The following CSRNP3 variants were observed in gnomAD, a reference collection of about 807,000 sequenced individuals.
CSRNP3 encodes cysteine and serine rich nuclear protein 3, also known as cysteine/serine-rich nuclear protein 3.
A neutral mutation model predicts 48.0 loss-of-function variants in CSRNP3; 12 were observed. The observed-to-expected ratio is 0.25, with a 90% confidence interval of 0.16 to 0.41. The LOEUF is 0.41. CSRNP3 is among the 10% of genes least tolerant of loss of function. The probability of loss-of-function intolerance (pLI) is 1.00; values close to 1 mark genes in which losing one functional copy is unlikely to be tolerated. For missense variants in CSRNP3, 580 were observed against 724.4 expected, an observed-to-expected ratio of 0.80 and a Z score of 2.29; for synonymous variants, 263 against 269.7, an observed-to-expected ratio of 0.98 and a Z score of 0.24.
In CSRNP3 at chr2:165,687,075, T is replaced by C. The variant is rs1475973446; in HGVS notation, c.*7322T>C. 1.3e-5 allele frequency: 2 copies of C among 152,088 alleles called. No homozygotes were observed. The highest frequency in any genetic ancestry group is 6.6e-5 in the Admixed American group (1 of 15,244). The allele number at this position is 152,088 out of a possible 1,614,324, so 9.4% of individuals were successfully genotyped here. On this transcript the variant is annotated 3_prime_UTR_variant, in exon 7 of 7. Transcript: ENST00000651982. ...TAGGTTTTCTCACAATAAGAAAATATCTTGGCCAGTCTTTGAGGGTTAGGC... is the reference window on the plus strand; with the variant it reads ...TAGGTTTTCTCACAATAAGAAAATACCTTGGCCAGTCTTTGAGGGTTAGGC...
In CSRNP3 at chr2:165,657,927, T is replaced by C. The variant is rs764142469; in HGVS notation, c.315T>C (p.Thr105=). 1 of 1,614,078 alleles carries C rather than the reference T, an allele frequency of 6.2e-7. No homozygotes were observed. The highest frequency in any genetic ancestry group is 2.2e-5 in the East Asian group (1 of 44,858). ...GCCATAACAGCGTGCGCCAGTACAC[T>C]CTTGGCGAGTTTGCAAGGGAGCAGG... is the stretch of plus-strand genomic sequence containing the variant. ...SSRHNSVRQY[T]LGEFAREQER... The change falls in exon 5 of 7, where the codon ACT becomes ACC. Residue 105 remains threonine, a synonymous_variant. Transcript: ENST00000651982.
At chr2:165,625,606 C>G (rs942844554) in intron 4 of CSRNP3, among the ~76,000 whole-genome samples, 1 of 149,574 alleles carries the variant, frequency 6.7e-6, no homozygotes, top group African/African-American at 2.5e-5. Flanking sequence ...TGCACTCCCA[C>G]CTCAGCAACA....
At chr2:165,602,442 G>A (rs934185759) in intron 4 of CSRNP3, among the ~76,000 whole-genome samples, 3 of 152,192 alleles carry the variant, frequency 2.0e-5, no homozygotes, top group Non-Finnish European at 4.4e-5. Context: ...CAGATCATAT[G>A]TAGAAACATG....
intron 4 of CSRNP3, among the ~76,000 whole-genome samples, chr2:165,631,704 T>C (rs1377220525): frequency 2.6e-5 from 4 of 152,236 alleles, no homozygotes; most frequent in African/African-American, 9.6e-5. Flanking sequence ...TTTATAGCCA[T>C]ACCTGTTCTA....
chr2:165,600,323 C>T (rs1685893425), intron 4 of CSRNP3, among the ~76,000 whole-genome samples: 1 of 149,440 alleles, frequency 6.7e-6, no homozygotes, highest in Non-Finnish European at 1.5e-5. Flanking sequence ...TTTCTTAATC[C>T]AGTCCATCAT....
In CSRNP3 at chr2:165,685,872, C is replaced by T. The variant is rs1056583880; in HGVS notation, c.*6119C>T. On this transcript the variant is annotated 3_prime_UTR_variant, in exon 7 of 7. Coordinates refer to ENST00000651982, the MANE Select transcript of CSRNP3 (RefSeq NM_001172173.2). ...GTAACTCCTCTCTTTATCATTACCA[C>T]GGTGATAGTTAAGTTCATTCGTTAA... The T allele has an allele frequency of 2.0e-5, 3 of 152,020 alleles. No individual in the cohort carries two copies. Among genetic ancestry groups the T allele is most frequent in the Non-Finnish European group, 4.4e-5 (3 of 67,986 alleles). The allele number at this position is 152,020 out of a possible 1,614,324, so 9.4% of individuals were successfully genotyped here.
At chr2:165,519,139 C>T (rs1254673572) in intron 3 of CSRNP3, among the ~76,000 whole-genome samples, 1 of 151,854 alleles carries the variant, frequency 6.6e-6, no homozygotes, top group African/African-American at 2.4e-5. Context: ...ATTAAATTAG[C>T]TCTTGAAGTA....
chr2:165,476,925 G>A (rs904780746), intron 1 of CSRNP3, among the ~76,000 whole-genome samples: 18 of 152,142 alleles, frequency 1.2e-4, no homozygotes, highest in Admixed American at 3.9e-4. Flanking sequence ...AAGAATGGAA[G>A]GAGCAAAATA....
At chr2:165,520,971 G>A (rs1213657738) in intron 3 of CSRNP3, among the ~76,000 whole-genome samples, 1 of 150,918 alleles carries the variant, frequency 6.6e-6, no homozygotes, top group Non-Finnish European at 1.5e-5. Context: ...CTATAGGCAT[G>A]CACTACCACA....
At chr2:165,503,652 A>G (rs1404156251) in intron 2 of CSRNP3, among the ~76,000 whole-genome samples, 1 of 152,038 alleles carries the variant, frequency 6.6e-6, no homozygotes, top group Non-Finnish European at 1.5e-5. Flanking sequence ...ATGTAGATTA[A>G]TTTAGGCAAC....
chr2:165,498,605 G>C (rs192602287), intron 2 of CSRNP3, among the ~76,000 whole-genome samples: 3 of 152,004 alleles, frequency 2.0e-5, no homozygotes, highest in Non-Finnish European at 2.9e-5. Flanking sequence ...TTTAAATTTG[G>C]CTTTAAACTC....
At chr2:165,673,846 C>T (rs1687372255) in intron 5 of CSRNP3, among the ~76,000 whole-genome samples, 1 of 151,962 alleles carries the variant, frequency 6.6e-6, no homozygotes, top group Non-Finnish European at 1.5e-5. Flanking sequence ...CAGGATGAAA[C>T]CCCATCTCTA....
intron 1 of CSRNP3, among the ~76,000 whole-genome samples, chr2:165,482,849 T>A (rs1000328721): frequency 6.6e-6 from 1 of 152,178 alleles, no homozygotes; most frequent in Admixed American, 6.5e-5. Flanking sequence ...TTCCCAGGAC[T>A]GTTTAATCTA....
At chr2:165,507,098 A>G (rs1574810469) in intron 2 of CSRNP3, among the ~76,000 whole-genome samples, 1 of 152,170 alleles carries the variant, frequency 6.6e-6, no homozygotes, top group Non-Finnish European at 1.5e-5. Context: ...CTCATAGCCA[A>G]TTGCTTATTA....
chr2:165,527,557 A>T (rs1267839056), intron 3 of CSRNP3, among the ~76,000 whole-genome samples: 1 of 151,896 alleles, frequency 6.6e-6, no homozygotes, highest in Non-Finnish European at 1.5e-5. Context: ...ATAATTATAT[A>T]TGTACACACA....
chr2:165,479,798 T>G (rs1330682506), intron 1 of CSRNP3, among the ~76,000 whole-genome samples: 1 of 150,658 alleles, frequency 6.6e-6, no homozygotes, highest in Non-Finnish European at 1.5e-5. Context: ...GGCAGGAGGA[T>G]CACTTGAACC....
Position 165,657,905 on chromosome 2 carries a change from A to G in CSRNP3, c.293A>G (p.His98Arg). The G allele has an allele frequency of 6.2e-7, 1 of 1,614,164 alleles. No individual in the cohort carries two copies. Among genetic ancestry groups the G allele is most frequent in the Non-Finnish European group, 8.5e-7 (1 of 1,180,016 alleles). Reference sequence around the variant, plus strand: ...AGCACCCTGGGGATGTCCAGCCGCCATAACAGCGTGCGCCAGTACACTCTT... The same window carrying G: ...AGCACCCTGGGGATGTCCAGCCGCCGTAACAGCGTGCGCCAGTACACTCTT... Reference protein sequence around the residue: ...GGSTLGMSSRHNSVRQYTLGE... With the variant: ...GGSTLGMSSRRNSVRQYTLGE... Residue 98 changes from histidine to arginine, a missense_variant, in exon 5 of 7, where the codon CAT (histidine) becomes CGT (arginine). By Grantham distance (29) the His-to-Arg change is conservative. Transcript: ENST00000651982.
chr2:165,605,091 C>G (rs1685987690), intron 4 of CSRNP3, among the ~76,000 whole-genome samples: 1 of 152,148 alleles, frequency 6.6e-6, no homozygotes. Flanking sequence ...TCTCTGCTTC[C>G]TCTCTTGTTC....
intron 5 of CSRNP3, among the ~76,000 whole-genome samples, chr2:165,664,586 TC>T (rs956507818): frequency 2.0e-5 from 3 of 152,212 alleles, no homozygotes; most frequent in African/African-American, 7.2e-5. Context: ...GGATTAAACA[TC>T]CTTGGTTCTT....
Sources: gnomAD v4.1 joint callset for allele counts (sites outside exome capture counted in the v4.1 genomes callset) on GRCh38, gnomAD v4.1.1 for gene constraint, MANE v1.5 for transcripts, NCBI Gene and HGNC (gene_info 2026-07-23, HGNC 2026-07-21) for gene names.